SH3GLB1: variants seen among roughly 807,000 people sequenced by gnomAD.
The protein encoded by SH3GLB1 is SH3 domain containing GRB2 like, endophilin B1.
A neutral mutation model predicts 42.0 loss-of-function variants in SH3GLB1; 17 were observed. The ratio of observed to expected loss-of-function variants is 0.40; its 90% CI spans 0.28 to 0.61. SH3GLB1 has a LOEUF of 0.61. Ranked by LOEUF, SH3GLB1 falls within the 20% of genes least tolerant of loss-of-function variation. SH3GLB1 has a pLI of 0.36. For synonymous variants in SH3GLB1, 132 were observed against 146.6 expected (o/e 0.90, Z 0.72); for missense variants, 355 against 426.3 (o/e 0.83, Z 1.47).
In SH3GLB1 at chr1:86,719,569, A is replaced by G; in HGVS notation, c.277A>G (p.Asn93Asp). 6.2e-7 allele frequency: 1 copy of G among 1,611,148 alleles called. No homozygotes were observed. The highest frequency in any genetic ancestry group is 8.5e-7 in the Non-Finnish European group (1 of 1,178,490). The stretch of plus-strand genomic sequence containing the variant: ...TAGAAAAGCTCCAAGTCGTATAAAC[A>G]ACCCAGAACTTTTGGGACAATATAT... ...LDRKAPSRIN[N>D]PELLGQYMID... The change falls in exon 3 of 9, where the codon AAC becomes GAC. Residue 93 changes from asparagine (N) to aspartate (D), a missense_variant. Physicochemically the swap from Asn to Asp is conservative, Grantham distance 23. Transcript: ENST00000370558.
intron 7 of SH3GLB1, among the ~76,000 whole-genome samples, chr1:86,740,369 A>T (rs1655998161): frequency 6.6e-6 from 1 of 152,226 alleles, no homozygotes; most frequent in South Asian, 2.1e-4. Context: ...TGAGGTTCCT[A>T]GTCATAAATT....
At chr1:86,737,407 G>C (rs1394022384) in intron 7 of SH3GLB1, among the ~76,000 whole-genome samples, 1 of 152,102 alleles carries the variant, frequency 6.6e-6, no homozygotes, top group Admixed American at 6.5e-5. Flanking sequence ...AATATGGTTA[G>C]AGAACTAAAA....
At chr1:86,730,637 T>C (rs1332493814) in intron 5 of SH3GLB1, among the ~76,000 whole-genome samples, 1 of 152,006 alleles carries the variant, frequency 6.6e-6, no homozygotes, top group Non-Finnish European at 1.5e-5. Context: ...GTAGCTGGGA[T>C]TACAGGTGCC....
intron 1 of SH3GLB1, among the ~76,000 whole-genome samples, chr1:86,713,651 A>G (rs1216035355): frequency 1.3e-5 from 2 of 151,870 alleles, no homozygotes; most frequent in East Asian, 3.9e-4. Context: ...CGCATCTCAC[A>G]CTCCTCAAAC....
At chr1:86,731,577 T>C (rs1372812915) in intron 5 of SH3GLB1, among the ~76,000 whole-genome samples, 1 of 152,184 alleles carries the variant, frequency 6.6e-6, no homozygotes, top group East Asian at 1.9e-4. Context: ...AACTAGAATG[T>C]CTTCCTCTTT....
chr1:86,719,425 T>G (rs1570418936), intron 2 of SH3GLB1, 82 bp from the exon 3 acceptor site: 7 of 1,244,594 alleles, frequency 5.6e-6, no homozygotes, highest in Non-Finnish European at 6.6e-6. Context: ...AGATGATAAA[T>G]GGCTGCTGAT....
chr1:86,716,618 C>G (rs941232495), intron 2 of SH3GLB1, among the ~76,000 whole-genome samples: 1 of 152,202 alleles, frequency 6.6e-6, no homozygotes, highest in Non-Finnish European at 1.5e-5. Flanking sequence ...TAAATTATTT[C>G]ATTTCATCTT....
chr1:86,730,207 C>T, intron 5 of SH3GLB1: 1 of 1,512,126 alleles, frequency 6.6e-7, no homozygotes, highest in Non-Finnish European at 8.9e-7. Flanking sequence ...GGTCCAGTCA[C>T]AGTCTGTGTT....
intron 5 of SH3GLB1, among the ~76,000 whole-genome samples, chr1:86,726,554 G>A (rs1655206135): frequency 1.3e-5 from 2 of 151,872 alleles, no homozygotes; most frequent in African/African-American, 4.8e-5. Flanking sequence ...ATTCAGTTCA[G>A]CAATTTTATT....
intron 4 of SH3GLB1, among the ~76,000 whole-genome samples, chr1:86,723,906 A>T (rs2101948198): frequency 6.6e-6 from 1 of 152,338 alleles, no homozygotes; most frequent in South Asian, 2.1e-4. Flanking sequence ...AATTCCTTGT[A>T]AAGATAGACT....
chr1:86,715,392 G>A (rs765125409), intron 1 of SH3GLB1, among the ~76,000 whole-genome samples: 1 of 152,070 alleles, frequency 6.6e-6, no homozygotes, highest in African/African-American at 2.4e-5. Context: ...ACTCTTTACC[G>A]TTATCCTAGT....
intron 1 of SH3GLB1, among the ~76,000 whole-genome samples, chr1:86,705,941 G>T: frequency 6.6e-6 from 1 of 152,162 alleles, no homozygotes; most frequent in East Asian, 1.9e-4. Flanking sequence ...CTGTTCTGTG[G>T]CTTTACTACT....
At chr1:86,735,260 C>A in intron 7 of SH3GLB1, 81 bp downstream of exon 7, 1 of 866,744 alleles carries the variant, frequency 1.2e-6, no homozygotes, top group Non-Finnish European at 1.9e-6. Flanking sequence ...AAGATTAGAG[C>A]AATTAAAGGT....
intron 7 of SH3GLB1, among the ~76,000 whole-genome samples, chr1:86,736,203 G>A (rs34718462): frequency 0.049 from 7,530 of 152,194 alleles, 247 homozygotes; most frequent in South Asian, 0.077. Context: ...AAAGTAAGTT[G>A]TTGTAAGGAG....
At chr1:86,724,574 A>G (rs1655050517) in intron 5 of SH3GLB1, among the ~76,000 whole-genome samples, 169 bp downstream of exon 5, 2 of 152,116 alleles carry the variant, frequency 1.3e-5, no homozygotes, top group South Asian at 4.1e-4. Flanking sequence ...TAGTCATATC[A>G]AAAAGGTGAT....
chr1:86,707,583 T>C (rs1653942568), intron 1 of SH3GLB1, among the ~76,000 whole-genome samples: 1 of 151,960 alleles, frequency 6.6e-6, no homozygotes, highest in South Asian at 2.1e-4. Context: ...TTGTTAGAGA[T>C]ACATACTGAA....
rs150004536 is a variant in SH3GLB1, at chr1:86,722,668, A to G, written c.472A>G (p.Ile158Val). 8.8e-6 allele frequency: 14 copies of G among 1,595,528 alleles called. No homozygotes were observed. The highest frequency in any genetic ancestry group is 1.4e-5 in the African/African-American group (1 of 73,816). Reference sequence around the variant, plus strand: ...CTTTATAGAAGGAGATTACAAAACAATTGCTGTGAGTTGAAAAATGTCCCC... The same window carrying G: ...CTTTATAGAAGGAGATTACAAAACAGTTGCTGTGAGTTGAAAAATGTCCCC... ...RNFIEGDYKT[I>V]AKERKLLQNK... The change falls in exon 4 of 9, where the codon ATT becomes GTT. Residue 158 changes from isoleucine to valine, a missense_variant. Physicochemically the swap from Ile to Val is conservative, Grantham distance 29. Coordinates refer to ENST00000370558, the MANE Select transcript of SH3GLB1 (RefSeq NM_016009.5).
Position 86,743,280 on chromosome 1 carries a change from T to A in SH3GLB1, c.*45T>A. On this transcript the variant is annotated 3_prime_UTR_variant, in exon 9 of 9. Transcript: ENST00000370558. The stretch of plus-strand genomic sequence containing the variant: ...GTTGCCCATCATGACTTTGTATTTA[T>A]ATACAATTAACTCTAAATAAAGCAG... 12 of 1,301,816 alleles carry A rather than the reference T, an allele frequency of 9.2e-6. No homozygotes were observed. The highest frequency in any genetic ancestry group is 1.3e-5 in the Non-Finnish European group (12 of 932,580). The allele number at this position is 1,301,816 out of a possible 1,614,324, so 80.6% of individuals were successfully genotyped here. A position where few individuals can be genotyped will look rare whatever the true frequency, so the allele number is the denominator to read the frequency against.
chr1:86,731,034 A>G (rs1158927028), intron 5 of SH3GLB1, among the ~76,000 whole-genome samples: 1 of 152,196 alleles, frequency 6.6e-6, no homozygotes, highest in African/African-American at 2.4e-5. Context: ...TCAGTATCAG[A>G]CTGTTGCTTC....
Sources: gnomAD v4.1 joint callset for allele counts (sites outside exome capture counted in the v4.1 genomes callset) on GRCh38, gnomAD v4.1.1 for gene constraint, MANE v1.5 for transcripts, NCBI Gene and HGNC (gene_info 2026-07-23, HGNC 2026-07-21) for gene names.